COL11A1: variants seen among roughly 807,000 people sequenced by gnomAD.
COL11A1 encodes collagen alpha-1(XI) chain.
A neutral mutation model predicts 265.2 loss-of-function variants in COL11A1; 74 were observed. The ratio of observed to expected loss-of-function variants is 0.28; its 90% CI spans 0.23 to 0.34. COL11A1 has a LOEUF of 0.34. Ranked by LOEUF, COL11A1 falls within the 10% of genes least tolerant of loss-of-function variation. The probability of loss-of-function intolerance (pLI) is 1.00; values close to 1 mark genes in which losing one functional copy is unlikely to be tolerated. For missense variants in COL11A1, 2,165 were observed against 2,263.6 expected, an observed-to-expected ratio of 0.96 and a Z score of 0.88; for synonymous variants, 816 against 727.6, an observed-to-expected ratio of 1.12 and a Z score of -1.96.
In COL11A1 at chr1:102,961,910, C is replaced by A; in HGVS notation, c.3124G>T (p.Gly1042Ter). 6.2e-7 allele frequency: 1 copy of A among 1,612,982 alleles called. No homozygotes were observed. Among genetic ancestry groups the A allele is most frequent in the South Asian group, 1.1e-5 (1 of 90,836 alleles). Residue 1042 changes from glycine (G) to a stop codon, truncating the protein, a stop_gained, in exon 41 of 67, where the codon GGA becomes TGA. Transcript: ENST00000370096. LOFTEE classifies it high-confidence loss of function. ...TGGGGACCTTCCCCTCCTTTCAGTCCAGGTGCACCCTGGGAAAAGTGAAAA... is the reference window on the plus strand; with the variant it reads ...TGGGGACCTTCCCCTCCTTTCAGTCAAGGTGCACCCTGGGAAAAGTGAAAA... Reference protein sequence around the residue: ...RGLPGAQGAPGLKGGEGPQGP... With the variant: ...RGLPGAQGAP
chr1:103,066,286 A>C (rs116743449), intron 4 of COL11A1, among the ~76,000 whole-genome samples: 4,633 of 152,078 alleles, frequency 0.03, 263 homozygotes, highest in African/African-American at 0.11. Flanking sequence ...CGATTATTTA[A>C]AGCAAAAATA....
At chr1:102,938,909 G>T (rs1658426252) in intron 44 of COL11A1, 126 bp downstream of exon 44, 1 of 780,712 alleles carries the variant, frequency 1.3e-6, no homozygotes, top group African/African-American at 1.7e-5. Context: ...AACTGCAGAG[G>T]TAATGTAGTA....
intron 62 of COL11A1, among the ~76,000 whole-genome samples, chr1:102,887,890 T>C (rs1651205041): frequency 6.6e-6 from 1 of 152,018 alleles, no homozygotes; most frequent in African/African-American, 2.4e-5. Flanking sequence ...AGAAGAGAAG[T>C]GCAGAACAGA....
In COL11A1 at chr1:103,106,344, C is replaced by G. The variant is rs201776433; in HGVS notation, c.106+1729G>C. On this transcript the variant is annotated intron_variant, in intron 1 of 66. Coordinates refer to ENST00000370096, the MANE Select transcript of COL11A1 (RefSeq NM_001854.4). ...AATTTTCAATAAATAGCTGCCATTA[C>G]AATATTCTCATTTACATGCGTGTGT... Among the ~76,000 whole-genome samples, 13 of 152,226 alleles carry G rather than the reference C, an allele frequency of 8.5e-5. No homozygotes were observed. In the East Asian group the frequency reaches 2.5e-3, roughly 29 times the overall value.
intron 57 of COL11A1, among the ~76,000 whole-genome samples, chr1:102,895,573 A>G (rs1652320528): frequency 6.6e-6 from 1 of 152,046 alleles, no homozygotes; most frequent in South Asian, 2.1e-4. Context: ...TAATGAGGAA[A>G]AAATTCATCA....
intron 3 of COL11A1, among the ~76,000 whole-genome samples, chr1:103,078,161 C>T (rs911922858): frequency 9.2e-5 from 14 of 152,152 alleles, no homozygotes; most frequent in Non-Finnish European, 1.8e-4. Flanking sequence ...ACCATCTGGC[C>T]TCCCTCTGCT....
chr1:102,972,891 T>A (rs1356582681), intron 36 of COL11A1, among the ~76,000 whole-genome samples: 1 of 151,730 alleles, frequency 6.6e-6, no homozygotes, highest in Non-Finnish European at 1.5e-5. Flanking sequence ...TTTAAATGGA[T>A]GGCTGCATAT....
Position 102,923,318 on chromosome 1 carries a change from C to G in COL11A1, c.3654+18G>C. On this transcript the variant is annotated intron_variant, in intron 47 of 66. Coordinates refer to ENST00000370096, the MANE Select transcript of COL11A1 (RefSeq NM_001854.4). Reference sequence around the variant, plus strand: ...GCATATAACACATACCCATCAAACACCAAAAATAAAAACTTACCATGGGAC... The same window carrying G: ...GCATATAACACATACCCATCAAACAGCAAAAATAAAAACTTACCATGGGAC... The G allele has an allele frequency of 6.2e-7, 1 of 1,600,790 alleles. No homozygotes were observed. The highest frequency in any genetic ancestry group is 1.7e-4 in the Middle Eastern group (1 of 6,046).
At position 103,010,998 on chromosome 1, in the gene COL11A1, C is replaced by G. The variant is rs368275524; in HGVS notation, c.1629+1415G>C. ...TACAGGTGCGAGCCACCGCGCCCAG[C>G]CTGATATTTGTAAATTAAATCAAAT... is the stretch of plus-strand genomic sequence containing the variant. On this transcript the variant is annotated intron_variant, in intron 14 of 66. Transcript: ENST00000370096. Among the ~76,000 whole-genome samples, 111 of 152,176 alleles carry G rather than the reference C, an allele frequency of 7.3e-4. 1 individual carries two copies. Among genetic ancestry groups the G allele is most frequent in the African/African-American group, 2.6e-3 (107 of 41,548 alleles).
chr1:102,905,283 T>A, intron 54 of COL11A1, among the ~76,000 whole-genome samples: 1 of 147,202 alleles, frequency 6.8e-6, no homozygotes, highest in East Asian at 2.0e-4. Flanking sequence ...AAATGACGAG[T>A]TACTGGGTGC....
chr1:102,892,512 A>G (rs980979488), intron 57 of COL11A1, among the ~76,000 whole-genome samples: 1 of 152,132 alleles, frequency 6.6e-6, no homozygotes, highest in Non-Finnish European at 1.5e-5. Context: ...CTTCTTAGCT[A>G]CTTAAATTAA....
intron 1 of COL11A1, among the ~76,000 whole-genome samples, chr1:103,106,337 G>T (rs1432298667): frequency 6.6e-6 from 1 of 152,096 alleles, no homozygotes; most frequent in Non-Finnish European, 1.5e-5. Context: ...ATAAATAGCT[G>T]CCATTACAAT....
chr1:102,879,972 A>C (rs1345378603), intron 65 of COL11A1, 56 bp from the exon 66 acceptor site: 1 of 1,171,980 alleles, frequency 8.5e-7, no homozygotes, highest in Non-Finnish European at 1.3e-6. Context: ...TTTATGCTAC[A>C]AAGAATTAAA....
At chr1:103,026,135 G>T in intron 6 of COL11A1, 81 bp downstream of exon 6, 2 of 1,225,610 alleles carry the variant, frequency 1.6e-6, no homozygotes, top group Non-Finnish European at 2.4e-6. Flanking sequence ...TTTATGGTAA[G>T]TTTGAGGAAC....
chr1:103,096,311 T>C (rs180712982), intron 1 of COL11A1, among the ~76,000 whole-genome samples: 8 of 152,100 alleles, frequency 5.3e-5, no homozygotes, highest in Admixed American at 1.3e-4. Context: ...AGATTCTACA[T>C]ATATTCTGAA....
chr1:103,096,136 G>A (rs1315277504), intron 1 of COL11A1, among the ~76,000 whole-genome samples: 2 of 151,894 alleles, frequency 1.3e-5, no homozygotes, highest in East Asian at 3.9e-4. Context: ...TGAGAGGAAG[G>A]TGCAGATAGT....
chr1:102,980,558 T>C lies in COL11A1; in HGVS notation c.2557-1123A>G, dbSNP rs1662940807. Among the ~76,000 whole-genome samples, 4 of 152,118 alleles carry C rather than the reference T, an allele frequency of 2.6e-5. No individual in the cohort carries two copies. The South Asian group carries it at 8.3e-4, about 31-fold the overall frequency. On this transcript the variant is annotated intron_variant, in intron 31 of 66. Transcript: ENST00000370096. ...ATTAAGTGCAATAATACGTAAAATG[T>C]CTAGCCTCTGTGAGAATACTAGACA...
At chr1:103,001,771 C>A in intron 24 of COL11A1, 154 bp downstream of exon 24, 1 of 689,420 alleles carries the variant, frequency 1.5e-6, no homozygotes, top group East Asian at 2.7e-5. Flanking sequence ...TGAAATCTCC[C>A]CACACTATAT....
intron 18 of COL11A1, 34 bp downstream of exon 18, chr1:103,005,804 A>C: frequency 6.2e-7 from 1 of 1,611,554 alleles, no homozygotes; most frequent in Non-Finnish European, 8.5e-7. Context: ...ATTTTATAAC[A>C]TTCCCTGGAA....
Sources: allele counts gnomAD v4.1 joint callset (sites outside exome capture counted in the v4.1 genomes callset), GRCh38; gene constraint gnomAD v4.1.1; transcripts MANE v1.5; gene names NCBI Gene and HGNC (gene_info 2026-07-23, HGNC 2026-07-21).